Variants in YIPF4 observed in about 807,000 individuals in gnomAD.
YIPF4 encodes the protein Yip1 domain family member 4.
YIPF4 carries 18 observed loss-of-function variants against 29.4 expected under a neutral mutation model. The ratio of observed to expected loss-of-function variants is 0.61; its 90% confidence interval spans 0.42 to 0.91. The LOEUF (loss-of-function observed/expected upper bound fraction) is 0.91. YIPF4 is among the 40% of genes least tolerant of loss of function. YIPF4 has a pLI of 0.00. For synonymous variants in YIPF4, 115 were observed against 104.7 expected (o/e 1.10, Z -0.60); for missense variants, 279 against 282.7 (o/e 0.99, Z 0.09).
In YIPF4 at chr2:32,305,876, C is replaced by G; in HGVS notation, c.*250C>G. The G allele has an allele frequency of 1.8e-6, 2 of 1,100,010 alleles. No individual in the cohort carries two copies. Among genetic ancestry groups the G allele is most frequent in the Non-Finnish European group, 2.2e-6 (2 of 905,744 alleles). 68.1% of individuals were successfully genotyped at this position (1,100,010 alleles called of 1,614,324 possible). On this transcript the variant is annotated 3_prime_UTR_variant, in exon 6 of 6. Transcript: ENST00000238831. ...TATTCCAGTGAATAAAATACAAAAG[C>G]ATTGTGTTTTTAAGATTGTGTCGAT...
At chr2:32,294,877 C>T (rs1013954933) in intron 3 of YIPF4, among the ~76,000 whole-genome samples, 42 of 152,298 alleles carry the variant, frequency 2.8e-4, no homozygotes, top group African/African-American at 9.4e-4. Context: ...CCAGCCCGGC[C>T]AACACAGCGA....
chr2:32,292,711 A>G (rs934334077), intron 3 of YIPF4, among the ~76,000 whole-genome samples: 3 of 151,970 alleles, frequency 2.0e-5, no homozygotes, highest in Non-Finnish European at 4.4e-5. Context: ...AAACTACAAA[A>G]AAAGTATCTG....
rs547604333 is a variant in YIPF4 at position 32,294,840 on chromosome 2, G to A, written c.405+2492G>A. On this transcript the variant is annotated intron_variant, in intron 3 of 5. Coordinates refer to ENST00000238831, the MANE Select transcript of YIPF4 (RefSeq NM_032312.4). ...GGCACCTCCGGAGGCCGAGGCTGGC[G>A]GATCACTCGTGGTTAGGAGCTGGAG... 3.9e-5 allele frequency among the ~76,000 whole-genome samples: 6 copies of A among 152,324 alleles called. No individual in the cohort carries two copies. In the South Asian group the frequency reaches 8.3e-4, roughly 21 times the overall value.
At chr2:32,288,500 T>A (rs78997314) in intron 1 of YIPF4, among the ~76,000 whole-genome samples, 5,630 of 152,224 alleles carry the variant, frequency 0.037, 219 homozygotes, top group African/African-American at 0.1. Flanking sequence ...GATGTAAATC[T>A]TCTTCTTGTT....
intron 1 of YIPF4, among the ~76,000 whole-genome samples, chr2:32,279,734 A>G (rs907086448): frequency 2.0e-5 from 3 of 151,900 alleles, no homozygotes; most frequent in Non-Finnish European, 2.9e-5. Flanking sequence ...TTCCTAAGAA[A>G]TTTTATGGTG....
intron 2 of YIPF4, among the ~76,000 whole-genome samples, chr2:32,291,136 A>G (rs752736335): frequency 2.0e-5 from 3 of 152,266 alleles, no homozygotes; most frequent in African/African-American, 2.4e-5. Flanking sequence ...TAATTTTGAA[A>G]AGAAGAACCT....
chr2:32,278,061 C>T lies in YIPF4; in HGVS notation c.-95C>T. The stretch of plus-strand genomic sequence containing the variant: ...GCACGTCGAGACTCGTAGGCCGCAC[C>T]GTAGGGCGAGCGTGCGGGTCGCCGC... On this transcript the variant is annotated 5_prime_UTR_variant, in exon 1 of 6. Transcript: ENST00000238831. The T allele has an allele frequency of 1.8e-6, 2 of 1,115,164 alleles. No individual in the cohort carries two copies. The highest frequency in any genetic ancestry group is 2.5e-6 in the Non-Finnish European group (2 of 791,836). The allele number at this position is 1,115,164 out of a possible 1,614,324, so 69.1% of individuals were successfully genotyped here.
chr2:32,280,135 AT>A (rs1353044337), intron 1 of YIPF4, among the ~76,000 whole-genome samples: 24 of 141,604 alleles, frequency 1.7e-4, no homozygotes, highest in African/African-American at 2.6e-4. Context: ...ATATATATAT[AT>A]TTTTTTTTTG....
In YIPF4 at chr2:32,306,156, A is replaced by G. The variant is rs1297681799; in HGVS notation, c.*530A>G. ...GCACAAACTTTTTAATTTGGCCATT[A>G]ATCTTTTTTATTTAAAAATTTAAAT... On this transcript the variant is annotated 3_prime_UTR_variant, in exon 6 of 6. Transcript: ENST00000238831. The G allele has an allele frequency of 1.2e-6, 1 of 808,594 alleles. No individual in the cohort carries two copies. The highest frequency in any genetic ancestry group is 1.9e-5 in the African/African-American group (1 of 53,726). 50.1% of individuals were successfully genotyped at this position (808,594 alleles called of 1,614,324 possible).
intron 4 of YIPF4, among the ~76,000 whole-genome samples, chr2:32,299,723 A>G (rs2031326707): frequency 1.3e-5 from 2 of 152,060 alleles, no homozygotes; most frequent in Non-Finnish European, 2.9e-5. Context: ...GAGGCAGGAG[A>G]CTTGCCTGAG....
At position 32,290,468 on chromosome 2, in the gene YIPF4, C is replaced by T; in HGVS notation, c.80-15C>T. The T allele has an allele frequency of 6.8e-7, 1 of 1,466,686 alleles. No individual in the cohort carries two copies. 90.9% of individuals were successfully genotyped at this position (1,466,686 alleles called of 1,614,324 possible). A position where few individuals can be genotyped will look rare whatever the true frequency, so the allele number is the denominator to read the frequency against. ...GTGCCTTAGTTTATATAGTTTTATC[C>T]TCTTTTCTCCTAAGATCTCAGTGGT... On this transcript the variant is annotated splice_polypyrimidine_tract_variant and intron_variant, in intron 1 of 5. Coordinates refer to ENST00000238831, the MANE Select transcript of YIPF4 (RefSeq NM_032312.4).
In YIPF4 at chr2:32,294,399, C is replaced by T. The variant is rs555278049; in HGVS notation, c.405+2051C>T. On this transcript the variant is annotated intron_variant, in intron 3 of 5. Coordinates refer to ENST00000238831, the MANE Select transcript of YIPF4 (RefSeq NM_032312.4). The stretch of plus-strand genomic sequence containing the variant: ...CTCACCTCCCAGACGTGGTCGCGGC[C>T]GAGCAGAGGCGCTCCTCACATCCCA... Among the ~76,000 whole-genome samples the T allele has an allele frequency of 1.4e-4, 21 of 151,696 alleles. No homozygotes were observed. In the South Asian group the frequency reaches 1.5e-3, roughly 11 times the overall value.
At chr2:32,296,609 T>C (rs945017915) in intron 3 of YIPF4, among the ~76,000 whole-genome samples, 1 of 152,210 alleles carries the variant, frequency 6.6e-6, no homozygotes, top group Non-Finnish European at 1.5e-5. Context: ...AGAAGTGACA[T>C]TGTCCTGCTC....
At position 32,294,881 on chromosome 2, in the gene YIPF4, A is replaced by G. The variant is rs536212299; in HGVS notation, c.405+2533A>G. Among the ~76,000 whole-genome samples, 360 of 152,374 alleles carry G rather than the reference A, an allele frequency of 2.4e-3. 1 individual carries two copies. The highest frequency in any genetic ancestry group is 3.6e-3 in the Non-Finnish European group (247 of 68,040). On this transcript the variant is annotated intron_variant, in intron 3 of 5. Coordinates refer to ENST00000238831, the MANE Select transcript of YIPF4 (RefSeq NM_032312.4). ...GGAGCTGGAGACCAGCCCGGCCAAC[A>G]CAGCGAAACCCCGTCTCCACCAAAA...
chr2:32,278,186 G>T lies in YIPF4; in HGVS notation c.31G>T (p.Ala11Ser). ...GCCTCCGGGCCCGCCCCCGGCCTATGCCCCCACTAACGGGGACTTCACCTT... is the reference window on the plus strand; with the variant it reads ...GCCTCCGGGCCCGCCCCCGGCCTATTCCCCCACTAACGGGGACTTCACCTT... MQPPGPPPAY[A>S]PTNGDFTFVS... Residue 11 changes from alanine (A) to serine (S), a missense_variant, in exon 1 of 6, where the codon GCC becomes TCC. Ala to Ser is a moderately conservative substitution (Grantham distance 99, BLOSUM62 1). Coordinates refer to ENST00000238831, the MANE Select transcript of YIPF4 (RefSeq NM_032312.4). 1 of 1,573,946 alleles carries T rather than the reference G, an allele frequency of 6.4e-7. No individual in the cohort carries two copies. Among genetic ancestry groups the T allele is most frequent in the Admixed American group, 1.8e-5 (1 of 54,922 alleles).
At chr2:32,286,489 A>G (rs1321045523) in intron 1 of YIPF4, among the ~76,000 whole-genome samples, 4 of 152,196 alleles carry the variant, frequency 2.6e-5, no homozygotes, top group African/African-American at 9.7e-5. Context: ...AAAACCATAA[A>G]CCAGAACAAC....
intron 3 of YIPF4, among the ~76,000 whole-genome samples, 195 bp downstream of exon 3, chr2:32,292,543 T>C (rs1440808266): frequency 6.6e-6 from 1 of 152,182 alleles, no homozygotes; most frequent in African/African-American, 2.4e-5. Flanking sequence ...TTCAAACTTT[T>C]CCACATCATG....
Position 32,301,455 on chromosome 2 carries a change from T to C in YIPF4, c.557T>C (p.Leu186Ser). 3 of 1,613,718 alleles carry C rather than the reference T, an allele frequency of 1.9e-6. No homozygotes were observed. The highest frequency in any genetic ancestry group is 2.2e-5 in the East Asian group (1 of 44,814). ...CTCATTGTAATAGCCCCTGTACTTT[T>C]GGTGGTTGGATCATTTGAAGTGGTG... ...LPLIVIAPVL[L>S]VVGSFEVVST... is the part of the protein sequence containing the mutation. Residue 186 changes from leucine (L) to serine (S), a missense_variant, in exon 5 of 6, where the codon TTG (leucine) becomes TCG (serine). By Grantham distance (145) the Leu-to-Ser change is moderately radical (BLOSUM62 -2). Transcript: ENST00000238831.
In YIPF4 at chr2:32,307,745, G is replaced by T. The variant is rs2031623405; in HGVS notation, c.*2119G>T. The T allele has an allele frequency of 6.6e-6, 1 of 152,050 alleles. No individual in the cohort carries two copies. The allele number at this position is 152,050 out of a possible 1,614,324, so 9.4% of individuals were successfully genotyped here. ...AGTTTGAGACCAGCCTGGCCAACAT[G>T]GCGAAACCCCGTCTCTACTAAAAAT... On this transcript the variant is annotated 3_prime_UTR_variant, in exon 6 of 6. Transcript: ENST00000238831.
Sources: allele counts gnomAD v4.1 joint callset (sites outside exome capture counted in the v4.1 genomes callset), GRCh38; gene constraint gnomAD v4.1.1; transcripts MANE v1.5; gene names NCBI Gene and HGNC (gene_info 2026-07-23, HGNC 2026-07-21).